Variants in MALRD1 observed in about 807,000 individuals in gnomAD.
MALRD1 encodes MAM and LDL receptor class A domain containing 1.
A neutral mutation model predicts 242.1 loss-of-function variants in MALRD1; 247 were observed. The observed-to-expected ratio is 1.02, with a 90% CI of 0.92 to 1.13. MALRD1 has a LOEUF of 1.13. Among genes scored for constraint, MALRD1 ranks in the 50% most tolerant of loss-of-function variants. MALRD1 has a pLI of 0.00. For synonymous variants in MALRD1, 995 were observed against 866.6 expected, an observed-to-expected ratio of 1.15 and a Z score of -2.60; for missense variants, 2,989 against 2,533.1, an observed-to-expected ratio of 1.18 and a Z score of -3.86.
chr10:19,694,349 G>A (rs575466671), intron 38 of MALRD1, among the ~76,000 whole-genome samples: 14 of 152,220 alleles, frequency 9.2e-5, no homozygotes, highest in Admixed American at 7.2e-4. Flanking sequence ...CTAATATCCA[G>A]AATCTACAAA....
intron 16 of MALRD1, 137 bp downstream of exon 16, chr10:19,204,550 C>A: frequency 1.6e-6 from 1 of 637,872 alleles, no homozygotes; most frequent in South Asian, 2.4e-5. Context: ...GCATTAAATT[C>A]ATATGATTTT....
chr10:19,635,901 T>C (rs1195625945), intron 36 of MALRD1, among the ~76,000 whole-genome samples: 1 of 152,034 alleles, frequency 6.6e-6, no homozygotes, highest in African/African-American at 2.4e-5. Context: ...TATTTATTTA[T>C]TGTTAATTTT....
At chr10:19,513,276 ACT>A (rs1371421523) in intron 31 of MALRD1, among the ~76,000 whole-genome samples, 1 of 150,286 alleles carries the variant, frequency 6.7e-6, no homozygotes, top group Non-Finnish European at 1.5e-5. Context: ...CTCCCCCTTC[ACT>A]CTCTTGCTTC....
intron 36 of MALRD1, among the ~76,000 whole-genome samples, chr10:19,653,477 T>A (rs539117519): frequency 6.6e-6 from 1 of 152,160 alleles, no homozygotes; most frequent in African/African-American, 2.4e-5. Flanking sequence ...ATTTTTTGTT[T>A]CCTCAGATCT....
At chr10:19,468,733 G>A (rs1836349346) in intron 29 of MALRD1, among the ~76,000 whole-genome samples, 2 of 151,942 alleles carry the variant, frequency 1.3e-5, no homozygotes, top group Non-Finnish European at 2.9e-5. Flanking sequence ...TAATCTGAAA[G>A]ACTCTGTATC....
chr10:19,298,759 T>G (rs1841820785), intron 21 of MALRD1, among the ~76,000 whole-genome samples: 1 of 151,928 alleles, frequency 6.6e-6, no homozygotes, highest in African/African-American at 2.4e-5. Flanking sequence ...GAGTTTTGGC[T>G]CACAGGAATA....
intron 28 of MALRD1, among the ~76,000 whole-genome samples, chr10:19,395,953 A>G (rs530527803): frequency 1.3e-5 from 2 of 152,162 alleles, no homozygotes; most frequent in South Asian, 4.1e-4. Context: ...ACCTTAGTTT[A>G]ATTTATCCCA....
intron 26 of MALRD1, 151 bp from the exon 27 acceptor site, chr10:19,387,377 G>GGA (rs1415508772): frequency 1.3e-5 from 11 of 824,742 alleles, no homozygotes; most frequent in African/African-American, 6.9e-5. Flanking sequence ...GAGCAGAGTG[G>GGA]GAGAGAGAGA....
intron 28 of MALRD1, among the ~76,000 whole-genome samples, chr10:19,414,397 C>G (rs1053420302): frequency 6.6e-6 from 1 of 151,972 alleles, no homozygotes; most frequent in Non-Finnish European, 1.5e-5. Context: ...AATTGGGAAA[C>G]CAAGGAAAGA....
chr10:19,717,984 T>TA (rs2131893170), intron 38 of MALRD1, among the ~76,000 whole-genome samples: 1 of 149,650 alleles, frequency 6.7e-6, no homozygotes, highest in East Asian at 2.0e-4. Context: ...GCCACTGCAC[T>TA]CCAGAGAGAT....
chr10:19,642,093 A>G (rs761788957), intron 36 of MALRD1, among the ~76,000 whole-genome samples: 5 of 152,208 alleles, frequency 3.3e-5, no homozygotes, highest in African/African-American at 1.2e-4. Flanking sequence ...TAAATTTATT[A>G]AAAGTTCATA....
chr10:19,622,721 T>C (rs1215942737), intron 36 of MALRD1, among the ~76,000 whole-genome samples: 1 of 151,502 alleles, frequency 6.6e-6, no homozygotes, highest in Non-Finnish European at 1.5e-5. Flanking sequence ...TACTGAGCTT[T>C]GTAGCTCAGT....
chr10:19,253,336 T>C (rs973554203), intron 18 of MALRD1, among the ~76,000 whole-genome samples: 13 of 152,000 alleles, frequency 8.6e-5, no homozygotes, highest in Admixed American at 6.6e-5. Context: ...GAAAAAGACA[T>C]GAAAGTAATA....
intron 14 of MALRD1, among the ~76,000 whole-genome samples, chr10:19,191,455 A>T (rs535872027): frequency 6.6e-6 from 1 of 152,238 alleles, no homozygotes; most frequent in African/African-American, 2.4e-5. Flanking sequence ...AATTAAAAAT[A>T]TAATTACCAT....
chr10:19,287,182 T>A (rs1171350575), intron 21 of MALRD1, among the ~76,000 whole-genome samples: 1 of 152,134 alleles, frequency 6.6e-6, no homozygotes, highest in Non-Finnish European at 1.5e-5. Flanking sequence ...TTCAGTAATA[T>A]CAATCCAATT....
chr10:19,237,548 A>T (rs1329091333), intron 18 of MALRD1, among the ~76,000 whole-genome samples: 3 of 129,414 alleles, frequency 2.3e-5, no homozygotes, highest in African/African-American at 8.7e-5. Flanking sequence ...TTTTATGTAT[A>T]ATTATAATTA....
Position 19,567,538 on chromosome 10 carries a change from G to T in MALRD1, c.5515G>T (p.Val1839Leu). 6.4e-7 allele frequency: 1 copy of T among 1,550,390 alleles called. No homozygotes were observed. Among genetic ancestry groups the T allele is most frequent in the Non-Finnish European group, 8.7e-7 (1 of 1,146,914 alleles). Residue 1839 changes from valine (V) to leucine (L), a missense_variant, in exon 33 of 40, where the codon GTG becomes TTG. Transcript: ENST00000454679. ...TIEESGLNILVWSVIGNKRTG... is the reference protein window; with the variant it reads ...TIEESGLNILLWSVIGNKRTG... ...TGAAGAATCGGGGCTAAACATCCTG[G>T]TGTGGTCAGTGATTGGAAATAAAAG...
intron 28 of MALRD1, among the ~76,000 whole-genome samples, chr10:19,391,015 T>C (rs981100311): frequency 2.0e-5 from 3 of 152,202 alleles, no homozygotes; most frequent in Admixed American, 6.5e-5. Flanking sequence ...GATTTTGTAC[T>C]GTTCTCTGGG....
At chr10:19,095,246 T>C (rs1835982695) in intron 4 of MALRD1, among the ~76,000 whole-genome samples, 1 of 152,194 alleles carries the variant, frequency 6.6e-6, no homozygotes, top group Non-Finnish European at 1.5e-5. Context: ...TTATAAGATA[T>C]AGGAATGGCA....
Sources: allele counts gnomAD v4.1 joint callset (sites outside exome capture counted in the v4.1 genomes callset), GRCh38; gene constraint gnomAD v4.1.1; transcripts MANE v1.5; gene names NCBI Gene and HGNC (gene_info 2026-07-23, HGNC 2026-07-21).